Variants in HMGN4 observed in about 807,000 individuals in gnomAD.
The protein encoded by HMGN4 is high mobility group nucleosome-binding domain-containing protein 4.
For missense variants in HMGN4, 69 were observed against 104.9 expected, an observed-to-expected ratio of 0.66 and a Z score of 1.49; for synonymous variants, 39 against 39.1, an observed-to-expected ratio of 1.00 and a Z score of 0.01.
intron 1 of HMGN4, among the ~76,000 whole-genome samples, chr6:26,539,313 C>T (rs1168049548): frequency 6.6e-6 from 1 of 152,222 alleles, no homozygotes; most frequent in Non-Finnish European, 1.5e-5. Context: ...GACGGAGTCT[C>T]ACTCTGTTGT....
Position 26,542,658 on chromosome 6 carries a change from C to T in HMGN4, c.-80-2469C>T, listed in dbSNP as rs1412120663. Among the ~76,000 whole-genome samples the T allele has an allele frequency of 6.6e-6, 1 of 152,152 alleles. No homozygotes were observed. Among genetic ancestry groups the T allele is most frequent in the Non-Finnish European group, 1.5e-5 (1 of 68,044 alleles). ...TGGTCCCTTTTCATTATGTGTGTATCTGTCTCCCACATTTGTAAGGTCTCT... is the reference window on the plus strand; with the variant it reads ...TGGTCCCTTTTCATTATGTGTGTATTTGTCTCCCACATTTGTAAGGTCTCT... On this transcript the variant is annotated intron_variant, in intron 1 of 1. Transcript: ENST00000377575. The surrounding 1 kb of genome is among the most constrained non-coding windows in gnomAD (Gnocchi z 4.6).
chr6:26,545,242 T>C lies in HMGN4; in HGVS notation c.36T>C (p.Gly12=), dbSNP rs780129745. The C allele has an allele frequency of 5.0e-6, 8 of 1,613,000 alleles. No individual in the cohort carries two copies. In the South Asian group the frequency reaches 8.8e-5, roughly 18 times the overall value. ...PKRKAKGDAK[G]DKAKVKDEPQ... is the part of the protein sequence containing the mutation. ...GAAAGGCAAAAGGAGATGCTAAAGGTGATAAAGCAAAGGTGAAGGATGAGC... is the reference window on the plus strand; with the variant it reads ...GAAAGGCAAAAGGAGATGCTAAAGGCGATAAAGCAAAGGTGAAGGATGAGC... Residue 12 remains glycine, a synonymous_variant, in exon 2 of 2, where the codon GGT becomes GGC. Transcript: ENST00000377575.
At chr6:26,538,552 TG>T (rs397729862) in intron 1 of HMGN4, 51 bp downstream of exon 1, 9 of 151,606 alleles carry the variant, frequency 5.9e-5, no homozygotes, top group Non-Finnish European at 1.0e-4. Context: ...AGGGGCGTGG[TG>T]GGGGGGGTCC....
intron 1 of HMGN4, 139 bp from the exon 2 acceptor site, chr6:26,544,988 T>C (rs895216522): frequency 9.8e-6 from 3 of 304,976 alleles, no homozygotes; most frequent in Non-Finnish European, 1.8e-5. Context: ...TTTGCCAAGC[T>C]GGTACTTATT....
intron 1 of HMGN4, among the ~76,000 whole-genome samples, chr6:26,540,918 A>C (rs538021760): frequency 3.9e-5 from 6 of 152,364 alleles, no homozygotes; most frequent in African/African-American, 1.4e-4. Context: ...GGTGAAAATG[A>C]GTATTGAATG....
In HMGN4 at chr6:26,545,722, G is replaced by C; in HGVS notation, c.*243G>C. 1 of 248,568 alleles carries C rather than the reference G, an allele frequency of 4.0e-6. No individual in the cohort carries two copies. The highest frequency in any genetic ancestry group is 8.2e-6 in the Non-Finnish European group (1 of 121,546). 15.4% of individuals were successfully genotyped at this position (248,568 alleles called of 1,614,324 possible). On this transcript the variant is annotated 3_prime_UTR_variant, in exon 2 of 2. Transcript: ENST00000377575. Reference sequence around the variant, plus strand: ...GTCCTGGTTTTTGAAGATTGTTCTTGATTCCCTTGATTCCCAGGAGAGATT... The same window carrying C: ...GTCCTGGTTTTTGAAGATTGTTCTTCATTCCCTTGATTCCCAGGAGAGATT...
Position 26,546,801 on chromosome 6 carries a change from TATTGA to T in HMGN4, c.*1326_*1330del, listed in dbSNP as rs2113586257. On this transcript the variant is annotated 3_prime_UTR_variant, in exon 2 of 2. Transcript: ENST00000377575. ...AGCATTGAAATTTTGATTGGATTTG[TATTGA>T]ATTTATAGATTAATCTGGTAAACCA... Among the ~76,000 whole-genome samples, 1 of 152,372 alleles carries T rather than the reference TATTGA, an allele frequency of 6.6e-6. No homozygotes were observed. Among genetic ancestry groups the T allele is most frequent in the Non-Finnish European group, 1.5e-5 (1 of 68,036 alleles).
chr6:26,540,191 A>G, intron 1 of HMGN4, among the ~76,000 whole-genome samples: 1 of 152,174 alleles, frequency 6.6e-6, no homozygotes, highest in Admixed American at 6.5e-5. Context: ...TGCATCTCCC[A>G]GTCTCTCTCA....
Position 26,545,534 on chromosome 6 carries a change from AT to A in HMGN4, c.*62del, listed in dbSNP as rs1764339314. 4 of 1,441,170 alleles carry A rather than the reference AT, an allele frequency of 2.8e-6. No homozygotes were observed. The highest frequency in any genetic ancestry group is 2.4e-5 in the East Asian group (1 of 41,694). 89.3% of individuals were successfully genotyped at this position (1,441,170 alleles called of 1,614,324 possible). A position where few individuals can be genotyped will look rare whatever the true frequency, so the allele number is the denominator to read the frequency against. ...TAGTGACTCTACTGTTTGAAATACT[AT>A]TTTTTTAAATCAAGTTTTATAAAAG... On this transcript the variant is annotated 3_prime_UTR_variant, in exon 2 of 2. Coordinates refer to ENST00000377575, the MANE Select transcript of HMGN4 (RefSeq NM_006353.3).
Position 26,542,190 on chromosome 6 carries a change from AT to A in HMGN4, c.-80-2927del, listed in dbSNP as rs148650103. Among the ~76,000 whole-genome samples the A allele has an allele frequency of 4.7e-4, 70 of 149,386 alleles. No individual in the cohort carries two copies. The highest frequency in any genetic ancestry group is 3.4e-3 in the Middle Eastern group (1 of 290). On this transcript the variant is annotated intron_variant, in intron 1 of 1. Coordinates refer to ENST00000377575, the MANE Select transcript of HMGN4 (RefSeq NM_006353.3). The surrounding 1 kb of genome is among the most constrained non-coding windows in gnomAD (Gnocchi z 4.6). ...ATTTTTTTGAACTCTTAAAATGCGT[AT>A]TTTTTTTTTACATTAATAGACTTCC...
chr6:26,544,449 T>C (rs927897627), intron 1 of HMGN4, among the ~76,000 whole-genome samples: 1 of 152,228 alleles, frequency 6.6e-6, no homozygotes, highest in Non-Finnish European at 1.5e-5. Flanking sequence ...CTTTTATACA[T>C]ACTACCAAAA....
chr6:26,546,498 T>C lies in HMGN4; in HGVS notation c.*1019T>C, dbSNP rs1402363613. 2.0e-5 allele frequency among the ~76,000 whole-genome samples: 3 copies of C among 152,230 alleles called. No homozygotes were observed. Among genetic ancestry groups the C allele is most frequent in the South Asian group, 4.1e-4 (2 of 4,834 alleles). ...CTTTCATAAATTAAATTTTTGTGTA[T>C]GTGTGTGGGTCTTTTGATGGTTTCT... On this transcript the variant is annotated 3_prime_UTR_variant, in exon 2 of 2. Transcript: ENST00000377575.
Position 26,545,164 on chromosome 6 carries a change from C to T in HMGN4, c.-43C>T, listed in dbSNP as rs200214002. On this transcript the variant is annotated 5_prime_UTR_variant, in exon 2 of 2. Transcript: ENST00000377575. Reference sequence around the variant, plus strand: ...GAACAGCGTGAGGAGGACAGAAGCACCCAACAGGACTGCTCAAGCCACCTG... The same window carrying T: ...GAACAGCGTGAGGAGGACAGAAGCATCCAACAGGACTGCTCAAGCCACCTG... 4,760 of 1,492,748 alleles carry T rather than the reference C, an allele frequency of 3.2e-3. 8 individuals carry two copies. The highest frequency in any genetic ancestry group is 4.0e-3 in the Non-Finnish European group (4,439 of 1,117,400). The allele number at this position is 1,492,748 out of a possible 1,614,324, so 92.5% of individuals were successfully genotyped here.
intron 1 of HMGN4, among the ~76,000 whole-genome samples, chr6:26,543,475 G>A (rs188139939): frequency 1.7e-5 from 2 of 119,450 alleles, no homozygotes; most frequent in Non-Finnish European, 3.3e-5. Context: ...AGGCTGGAGT[G>A]CAGTGGCACA....
At chr6:26,540,489 C>T (rs1273019791) in intron 1 of HMGN4, among the ~76,000 whole-genome samples, 1 of 152,104 alleles carries the variant, frequency 6.6e-6, no homozygotes, top group Non-Finnish European at 1.5e-5. Flanking sequence ...CATATGCCAC[C>T]ACACCCAGCT....
intron 1 of HMGN4, among the ~76,000 whole-genome samples, chr6:26,543,751 A>G (rs1581446691): frequency 8.3e-6 from 1 of 120,914 alleles, no homozygotes; most frequent in African/African-American, 3.1e-5. Context: ...ACAGAACGAG[A>G]CTCTGAGACT....
chr6:26,541,347 TAC>T (rs1051129715), intron 1 of HMGN4, among the ~76,000 whole-genome samples: 1 of 152,206 alleles, frequency 6.6e-6, no homozygotes, highest in Non-Finnish European at 1.5e-5. Flanking sequence ...ACTAAATTCT[TAC>T]ACTGTTCCCT....
In HMGN4 at chr6:26,545,639, AC is replaced by A; in HGVS notation, c.*162del. On this transcript the variant is annotated 3_prime_UTR_variant, in exon 2 of 2. Transcript: ENST00000377575. ...GTTGTCTTTTGTGGAAAGGGCAAGTACCACTAATAGGGTGTATCTCAGAAAC... is the reference window on the plus strand; with the variant it reads ...GTTGTCTTTTGTGGAAAGGGCAAGTACACTAATAGGGTGTATCTCAGAAAC... The A allele has an allele frequency of 2.0e-6, 1 of 498,006 alleles. No homozygotes were observed. Among genetic ancestry groups the A allele is most frequent in the Non-Finnish European group, 3.5e-6 (1 of 285,658 alleles). The allele number at this position is 498,006 out of a possible 1,614,324, so 30.8% of individuals were successfully genotyped here.
At chr6:26,538,946 T>C (rs192579075) in intron 1 of HMGN4, among the ~76,000 whole-genome samples, 1 of 152,202 alleles carries the variant, frequency 6.6e-6, no homozygotes, top group Non-Finnish European at 1.5e-5. Context: ...ACCCAAGGGC[T>C]GAGTCCTCCT....
Sources: gnomAD v4.1 joint callset for allele counts (sites outside exome capture counted in the v4.1 genomes callset) on GRCh38, gnomAD v4.1.1 for gene constraint, Gnocchi (gnomAD v3.1) non-coding constraint, MANE v1.5 for transcripts, NCBI Gene and HGNC (gene_info 2026-07-23, HGNC 2026-07-21) for gene names.